The following FIBCD1 variants were observed in gnomAD, a reference collection of about 807,000 sequenced individuals.
FIBCD1 encodes fibrinogen C domain containing 1.
In FIBCD1, 47 loss-of-function variants were observed where a neutral mutation model predicts 45.1. The ratio of observed to expected loss-of-function variants is 1.04; its 90% CI spans 0.82 to 1.33. FIBCD1 has a LOEUF of 1.33. Ranked by LOEUF, FIBCD1 falls within the 40% of genes most tolerant of loss-of-function variation. FIBCD1 has a pLI of 0.00. For synonymous variants in FIBCD1, 313 were observed against 308.1 expected, an observed-to-expected ratio of 1.02 and a Z score of -0.17; for missense variants, 653 against 682.2, an observed-to-expected ratio of 0.96 and a Z score of 0.48.
rs576776257 is a variant in FIBCD1 at position 130,924,352 on chromosome 9, G to A, written c.597C>T (p.Ser199=). ...GCAGGGCATCCAGGATGTCGCTGAC[G>A]GAGTTCACCAGGTGAGCCATGTGGC... is the stretch of plus-strand genomic sequence containing the variant. ...SQGHMAHLVN[S]VSDILDALQR... The change falls in exon 3 of 7, where the codon TCC becomes TCT. Residue 199 remains serine, a synonymous_variant. Transcript: ENST00000372338. 37 of 1,609,534 alleles carry A rather than the reference G, an allele frequency of 2.3e-5. No homozygotes were observed. The highest frequency in any genetic ancestry group is 1.2e-4 in the African/African-American group (9 of 75,040).
chr9:130,923,751 C>T lies in FIBCD1; in HGVS notation c.842G>A (p.Gly281Asp). ...VYCDMRTDGG[G>D]WTVFQRREDG... ...CCAGCCTGGGACACTCACCGTCCAG[C>T]CGCCGCCGTCCGTGCGCATGTCACA... Residue 281 changes from glycine (G) to aspartate (D), a missense_variant, in exon 4 of 7, where the codon GGC becomes GAC. Physicochemically the swap from Gly to Asp is moderately conservative, Grantham distance 94. Transcript: ENST00000372338. 6.2e-7 allele frequency: 1 copy of T among 1,611,940 alleles called. No individual in the cohort carries two copies. Among genetic ancestry groups the T allele is most frequent in the Non-Finnish European group, 8.5e-7 (1 of 1,179,798 alleles).
intron 4 of FIBCD1, among the ~76,000 whole-genome samples, chr9:130,923,009 G>C (rs562618647): frequency 1.3e-5 from 2 of 152,242 alleles, no homozygotes; most frequent in South Asian, 2.1e-4. Context: ...TAAATTCCTC[G>C]GGAGGACTGG....
chr9:130,928,353 G>A (rs1282258206), intron 2 of FIBCD1, among the ~76,000 whole-genome samples: 1 of 152,206 alleles, frequency 6.6e-6, no homozygotes, highest in Non-Finnish European at 1.5e-5. Flanking sequence ...GGCCTGAGCT[G>A]ACCAGGGGCT....
Position 130,934,597 on chromosome 9 carries a change from T to C in FIBCD1, c.72+3939A>G, listed in dbSNP as rs74350230. Among the ~76,000 whole-genome samples the C allele has an allele frequency of 4.7e-3, 718 of 152,268 alleles. 7 individuals carry two copies. Among genetic ancestry groups the C allele is most frequent in the Non-Finnish European group, 8.1e-3 (549 of 67,996 alleles). Reference sequence around the variant, plus strand: ...GAACCACGGAGGGGGCTTCTCCAGATGTTTCCTATAAGGGTCTTGCCCACC... The same window carrying C: ...GAACCACGGAGGGGGCTTCTCCAGACGTTTCCTATAAGGGTCTTGCCCACC... On this transcript the variant is annotated intron_variant, in intron 1 of 6. Transcript: ENST00000372338.
chr9:130,913,951 G>T (rs1832111315), intron 4 of FIBCD1, among the ~76,000 whole-genome samples: 1 of 152,122 alleles, frequency 6.6e-6, no homozygotes, highest in South Asian at 2.1e-4. Context: ...AGTGGTTGTG[G>T]ATCTGGGTTC....
At chr9:130,910,408 C>G (rs371119880) in intron 5 of FIBCD1, among the ~76,000 whole-genome samples, 14 of 152,238 alleles carry the variant, frequency 9.2e-5, no homozygotes, top group African/African-American at 2.7e-4. Context: ...CCTCCCACCC[C>G]CTCCGTGGGC....
Position 130,938,570 on chromosome 9 carries a change from G to A in FIBCD1, c.38C>T (p.Ala13Val). ...GTCGCGCGGCCGGTCCTCAAGTTGG[G>A]CAGCGCCGCCCATGGTCTTCCACCG... is the stretch of plus-strand genomic sequence containing the variant. ...NDRWKTMGGA[A>V]QLEDRPRDKP... is the part of the protein sequence containing the mutation. Residue 13 changes from alanine to valine, a missense_variant, in exon 1 of 7, where the codon GCC becomes GTC. Transcript: ENST00000372338. 1 of 1,489,886 alleles carries A rather than the reference G, an allele frequency of 6.7e-7. No individual in the cohort carries two copies. The highest frequency in any genetic ancestry group is 1.3e-5 in the South Asian group (1 of 79,338). The allele number at this position is 1,489,886 out of a possible 1,614,324, so 92.3% of individuals were successfully genotyped here. A position where few individuals can be genotyped will look rare whatever the true frequency, so the allele number is the denominator to read the frequency against.
intron 4 of FIBCD1, among the ~76,000 whole-genome samples, chr9:130,921,048 C>T (rs1430088222): frequency 9.2e-5 from 14 of 152,190 alleles, no homozygotes; most frequent in Admixed American, 3.9e-4. Context: ...GATTGAAGGG[C>T]GCTGGCGTGA....
intron 1 of FIBCD1, chr9:130,930,639 C>T (rs1588113105): frequency 2.4e-6 from 1 of 420,206 alleles, no homozygotes; most frequent in East Asian, 7.2e-5. Context: ...TGTGTGTGGC[C>T]GTGTGGCCCC....
rs78256607 is a variant in FIBCD1 at position 130,905,618 on chromosome 9, G to A, written c.947-205C>T. Among the ~76,000 whole-genome samples, 147 of 152,322 alleles carry A rather than the reference G, an allele frequency of 9.7e-4. 2 individuals carry two copies. In the East Asian group the frequency reaches 0.026, roughly 26 times the overall value. ...CTGAGGACCGACAGTTTTCATGTTTGGTTTTCTCTGTTCCCTTTAAGTGGA... is the reference window on the plus strand; with the variant it reads ...CTGAGGACCGACAGTTTTCATGTTTAGTTTTCTCTGTTCCCTTTAAGTGGA... On this transcript the variant is annotated intron_variant, in intron 5 of 6. Transcript: ENST00000372338.
intron 4 of FIBCD1, among the ~76,000 whole-genome samples, chr9:130,920,355 G>A (rs1192867662): frequency 1.3e-5 from 2 of 151,982 alleles, no homozygotes; most frequent in African/African-American, 2.4e-5. Flanking sequence ...TCCCAGCCCC[G>A]CTCCCCGCTC....
At chr9:130,930,092 G>T in intron 1 of FIBCD1, 46 bp from the exon 2 acceptor site, 1 of 1,476,102 alleles carries the variant, frequency 6.8e-7, no homozygotes, top group Non-Finnish European at 8.9e-7. Context: ...ACAGACGGGA[G>T]AGAGAAGGGG....
At chr9:130,940,451 T>G (rs954271155), upstream of FIBCD1, among the ~76,000 whole-genome samples, 3 of 152,264 alleles carry the variant, frequency 2.0e-5, no homozygotes, top group African/African-American at 7.2e-5. Flanking sequence ...AGGTTCCAAT[T>G]CTGGCCTCTG....
Position 130,911,877 on chromosome 9 carries a change from G to A in FIBCD1, c.861C>T (p.Arg287=). The change falls in exon 5 of 7, where the codon CGC becomes CGT. Residue 287 remains arginine, a synonymous_variant. Coordinates refer to ENST00000372338, the MANE Select transcript of FIBCD1 (RefSeq NM_032843.5). ...TDGGGWTVFQ[R]REDGSVNFFR... is the part of the protein sequence containing the mutation. The stretch of plus-strand genomic sequence containing the variant: ...AGAAGTTCACGGAGCCGTCCTCCCG[G>A]CGCTGAAACACCTGCAAAGGGAAGA... 6.3e-7 allele frequency: 1 copy of A among 1,581,910 alleles called. No homozygotes were observed. The highest frequency in any genetic ancestry group is 1.4e-5 in the African/African-American group (1 of 73,932).
chr9:130,935,265 G>A (rs1832501409), intron 1 of FIBCD1, among the ~76,000 whole-genome samples: 1 of 152,184 alleles, frequency 6.6e-6, no homozygotes, highest in South Asian at 2.1e-4. Context: ...GTGGCTTGGA[G>A]ACAGCTCAGA....
chr9:130,915,992 C>A (rs1177634451), intron 4 of FIBCD1, among the ~76,000 whole-genome samples: 1 of 152,206 alleles, frequency 6.6e-6, no homozygotes, highest in African/African-American at 2.4e-5. Context: ...TGCGGTGGCA[C>A]GATCTCAGCT....
intron 1 of FIBCD1, among the ~76,000 whole-genome samples, chr9:130,933,372 C>T (rs141074884): frequency 3.3e-5 from 5 of 152,068 alleles, no homozygotes; most frequent in South Asian, 2.1e-4. Context: ...CTGGGGGCTG[C>T]GGAATGGGGA....
intron 1 of FIBCD1, among the ~76,000 whole-genome samples, chr9:130,936,009 G>A (rs758202793): frequency 3.3e-5 from 5 of 152,206 alleles, no homozygotes; most frequent in Admixed American, 2.0e-4. Context: ...AGAGGAGACC[G>A]GGACACAGCC....
chr9:130,910,306 C>G (rs1832013629), intron 5 of FIBCD1, among the ~76,000 whole-genome samples: 1 of 152,216 alleles, frequency 6.6e-6, no homozygotes, highest in Non-Finnish European at 1.5e-5. Context: ...CCCAGCAGTG[C>G]CAGCCCACCG....
Sources: allele counts gnomAD v4.1 joint callset (sites outside exome capture counted in the v4.1 genomes callset), GRCh38; gene constraint gnomAD v4.1.1; transcripts MANE v1.5; gene names NCBI Gene and HGNC (gene_info 2026-07-23, HGNC 2026-07-21).